The following FBXO15 variants were observed in gnomAD, a reference collection of about 807,000 sequenced individuals.
FBXO15 encodes the protein F-box protein 15.
A neutral mutation model predicts 49.5 loss-of-function variants in FBXO15; 30 were observed. The observed-to-expected ratio is 0.61, with a 90% CI of 0.45 to 0.82. The LOEUF (loss-of-function observed/expected upper bound fraction) is 0.82. Ranked by LOEUF, FBXO15 falls within the 40% of genes least tolerant of loss-of-function variation. The probability of loss-of-function intolerance (pLI) is 0.00; values close to 1 mark genes in which losing one functional copy is unlikely to be tolerated. For synonymous variants in FBXO15, 250 were observed against 232.7 expected (o/e 1.07, Z -0.68); for missense variants, 591 against 631.5 (o/e 0.94, Z 0.69).
At chr18:74,143,142 TTCTA>T (rs1388776027) in intron 1 of FBXO15, among the ~76,000 whole-genome samples, 2 of 152,288 alleles carry the variant, frequency 1.3e-5, no homozygotes, top group Admixed American at 6.5e-5. Context: ...ATATGAATAA[TTCTA>T]TATATACTTT....
chr18:74,140,443 G>T, intron 1 of FBXO15, 131 bp from the exon 2 acceptor site: 1 of 739,110 alleles, frequency 1.4e-6, no homozygotes. Context: ...TTTCTGCAAA[G>T]AAAAAAAGGA....
chr18:74,081,994 T>C lies in FBXO15; in HGVS notation c.1196A>G (p.Glu399Gly). 6.2e-7 allele frequency: 1 copy of C among 1,612,952 alleles called. No homozygotes were observed. Residue 399 changes from glutamate (E) to glycine (G), a missense_variant, in exon 9 of 10, where the codon GAA (glutamate) becomes GGA (glycine). Coordinates refer to ENST00000419743, the MANE Select transcript of FBXO15 (RefSeq NM_001142958.2). ...LIVIHLKNNR[E>G]HLPLIGKVGL... ...AACTTTTCCAATAAGAGGTAGGTGT[T>C]CTCTGTTATTTTTTAAATGTATAAC...
intron 9 of FBXO15, 141 bp from the exon 10 acceptor site, chr18:74,073,871 C>G: frequency 9.7e-7 from 1 of 1,034,940 alleles, no homozygotes; most frequent in East Asian, 2.5e-5. Flanking sequence ...TTTTCATGGC[C>G]TACTTCATAA....
chr18:74,088,924 A>T (rs982818456), intron 8 of FBXO15, among the ~76,000 whole-genome samples: 6 of 152,148 alleles, frequency 3.9e-5, no homozygotes, highest in African/African-American at 1.4e-4. Context: ...ATCTCATAGA[A>T]GTCTTTCACC....
At chr18:74,141,100 C>T (rs1336558285) in intron 1 of FBXO15, among the ~76,000 whole-genome samples, 1 of 152,198 alleles carries the variant, frequency 6.6e-6, no homozygotes, top group East Asian at 1.9e-4. Flanking sequence ...AGTAGTGCAT[C>T]TTAGAATGAA....
intron 8 of FBXO15, among the ~76,000 whole-genome samples, chr18:74,120,868 A>G (rs1914437436): frequency 6.6e-6 from 1 of 152,158 alleles, no homozygotes. Flanking sequence ...AAAAAAGGCA[A>G]TAAAACCAAA....
At chr18:74,082,484 G>C (rs1912544773) in intron 8 of FBXO15, among the ~76,000 whole-genome samples, 2 of 152,232 alleles carry the variant, frequency 1.3e-5, no homozygotes, top group Admixed American at 1.3e-4. Context: ...ATGAAGAGGA[G>C]TGGAAGAAAC....
At chr18:74,081,835 C>A in intron 9 of FBXO15, 92 bp downstream of exon 9, 2 of 869,788 alleles carry the variant, frequency 2.3e-6, no homozygotes, top group South Asian at 5.1e-5. Flanking sequence ...AAACATCATA[C>A]ATATATGACA....
intron 1 of FBXO15, among the ~76,000 whole-genome samples, chr18:74,142,933 T>C (rs77101357): frequency 0.016 from 2,419 of 152,342 alleles, 30 homozygotes; most frequent in Middle Eastern, 0.037. Flanking sequence ...TATTGACTTA[T>C]ATTACATATT....
Position 74,075,377 on chromosome 18 carries a change from G to A in FBXO15, c.1264-1647C>T, listed in dbSNP as rs543870219. ...TGGCCCAGTAACCTCCTGCTGCAGC[G>A]TAGCCCATCTTGCAAAGGCATGATG... On this transcript the variant is annotated intron_variant, in intron 9 of 9. Coordinates refer to ENST00000419743, the MANE Select transcript of FBXO15 (RefSeq NM_001142958.2). The surrounding 1 kb of genome is among the most constrained non-coding windows in gnomAD (Gnocchi z 4.1). 6.6e-5 allele frequency among the ~76,000 whole-genome samples: 10 copies of A among 152,260 alleles called. No homozygotes were observed. The South Asian group carries it at 1.5e-3, about 22-fold the overall frequency.
intron 8 of FBXO15, among the ~76,000 whole-genome samples, chr18:74,113,782 C>T (rs1206107671): frequency 6.6e-6 from 1 of 152,192 alleles, no homozygotes; most frequent in Non-Finnish European, 1.5e-5. Context: ...TAGCCTGATA[C>T]AAAGATCAAA....
At chr18:74,103,677 C>A (rs1913621953) in intron 8 of FBXO15, among the ~76,000 whole-genome samples, 1 of 152,110 alleles carries the variant, frequency 6.6e-6, no homozygotes, top group African/African-American at 2.4e-5. Context: ...CAATAGATTT[C>A]TCAATAGAAA....
rs1314051767 is a variant in FBXO15 at position 74,075,304 on chromosome 18, T to C, written c.1264-1574A>G. On this transcript the variant is annotated intron_variant, in intron 9 of 9. Transcript: ENST00000419743. This position sits in a 1 kb window ranked among gnomAD's most constrained non-coding sequence, Gnocchi z 4.1. ...CTGCAGATCCACAGCCCAGCTCCTCTGCGCCCACCTCTCCTCACATGTGTT... is the reference window on the plus strand; with the variant it reads ...CTGCAGATCCACAGCCCAGCTCCTCCGCGCCCACCTCTCCTCACATGTGTT... Among the ~76,000 whole-genome samples, 1 of 152,204 alleles carries C rather than the reference T, an allele frequency of 6.6e-6. No individual in the cohort carries two copies. The highest frequency in any genetic ancestry group is 2.4e-5 in the African/African-American group (1 of 41,462).
Position 74,075,115 on chromosome 18 carries a change from G to A in FBXO15, c.1264-1385C>T, listed in dbSNP as rs973656238. 3.9e-5 allele frequency among the ~76,000 whole-genome samples: 6 copies of A among 152,136 alleles called. No homozygotes were observed. Among genetic ancestry groups the A allele is most frequent in the Non-Finnish European group, 7.4e-5 (5 of 68,020 alleles). ...CATGCAGCTGCACCATCCTCAGCTC[G>A]GCCTGACGGTCCCACCCTGGCTCTC... On this transcript the variant is annotated intron_variant, in intron 9 of 9. Coordinates refer to ENST00000419743, the MANE Select transcript of FBXO15 (RefSeq NM_001142958.2). The surrounding 1 kb of genome is among the most constrained non-coding windows in gnomAD (Gnocchi z 4.1).
chr18:74,111,754 G>T (rs558244602), intron 8 of FBXO15, among the ~76,000 whole-genome samples: 12 of 152,044 alleles, frequency 7.9e-5, no homozygotes, highest in Admixed American at 2.6e-4. Flanking sequence ...CCAAAAGCTG[G>T]TTTTTTTGGA....
intron 6 of FBXO15, among the ~76,000 whole-genome samples, chr18:74,125,320 G>A (rs867153853): frequency 3.9e-5 from 6 of 152,180 alleles, no homozygotes; most frequent in Non-Finnish European, 5.9e-5. Context: ...AAAAAGTGAC[G>A]GCCACAGTTG....
chr18:74,088,882 T>A (rs1183018252), intron 8 of FBXO15, among the ~76,000 whole-genome samples: 1 of 152,198 alleles, frequency 6.6e-6, no homozygotes, highest in Non-Finnish European at 1.5e-5. Context: ...CACTGAGCAG[T>A]GTTTTGTAAT....
chr18:74,079,824 TC>T (rs1218378207), intron 9 of FBXO15, among the ~76,000 whole-genome samples: 1 of 152,158 alleles, frequency 6.6e-6, no homozygotes, highest in Non-Finnish European at 1.5e-5. Context: ...GAACAGCAGG[TC>T]CCAAGGACAT....
rs1474681877 is a variant in FBXO15, at chr18:74,105,415, TA to T, written c.1138+17952del. 3.3e-5 allele frequency among the ~76,000 whole-genome samples: 5 copies of T among 152,300 alleles called. No individual in the cohort carries two copies. In the South Asian group the frequency reaches 6.2e-4, roughly 19 times the overall value. On this transcript the variant is annotated intron_variant, in intron 8 of 9. Coordinates refer to ENST00000419743, the MANE Select transcript of FBXO15 (RefSeq NM_001142958.2). ...GTATCCTGAAAATATGTACATCTAT[TA>T]GGCATCAATTTAAAAAAATTATTTC...
Sources: allele counts gnomAD v4.1 joint callset (sites outside exome capture counted in the v4.1 genomes callset), GRCh38; gene constraint gnomAD v4.1.1; non-coding constraint Gnocchi (gnomAD v3.1); transcripts MANE v1.5; gene names NCBI Gene and HGNC (gene_info 2026-07-23, HGNC 2026-07-21).